The following C1QTNF3 variants were observed in gnomAD, a reference collection of about 807,000 sequenced individuals.
C1QTNF3 encodes C1q and TNF related 3.
C1QTNF3 carries 26 observed loss-of-function variants against 32.6 expected under a neutral mutation model. The ratio of observed to expected loss-of-function variants is 0.80; its 90% CI spans 0.58 to 1.11. The LOEUF is 1.11. Ranked by LOEUF, C1QTNF3 falls within the 50% of genes least tolerant of loss-of-function variation. The pLI, the probability that C1QTNF3 is intolerant of heterozygous loss-of-function variation, is 0.00. For missense variants in C1QTNF3, 362 were observed against 398.2 expected, an observed-to-expected ratio of 0.91 and a Z score of 0.77; for synonymous variants, 155 against 146.0, an observed-to-expected ratio of 1.06 and a Z score of -0.44.
At chr5:34,123,560 TC>T in the C1QTNF3 span, among the ~76,000 whole-genome samples, 1 of 151,854 alleles carries the variant, frequency 6.6e-6, no homozygotes, top group South Asian at 2.1e-4. Context: ...TGATCTATAT[TC>T]TCTTCATGTT....
chr5:34,207,338 G>GA, the C1QTNF3 span, among the ~76,000 whole-genome samples: 1 of 151,240 alleles, frequency 6.6e-6, no homozygotes, highest in East Asian at 1.9e-4. Flanking sequence ...CCATCATTAT[G>GA]AAAAGTTTTC....
chr5:34,079,794 T>G, the C1QTNF3 span, among the ~76,000 whole-genome samples: 1 of 151,272 alleles, frequency 6.6e-6, no homozygotes, highest in African/African-American at 2.5e-5. Flanking sequence ...AATGGGGAGG[T>G]GCCAGTCAAA....
chr5:34,146,956 G>T, the C1QTNF3 span, among the ~76,000 whole-genome samples: 2 of 152,118 alleles, frequency 1.3e-5, no homozygotes, highest in Non-Finnish European at 2.9e-5. Flanking sequence ...AATCTATAAT[G>T]AACTTAAATC....
the C1QTNF3 span, among the ~76,000 whole-genome samples, chr5:34,131,831 C>T: frequency 1.3e-5 from 2 of 152,014 alleles, no homozygotes; most frequent in Admixed American, 6.6e-5. Context: ...GTGAATTACA[C>T]GAATCTGTTA....
chr5:34,139,225 C>A, the C1QTNF3 span, among the ~76,000 whole-genome samples: 1 of 151,600 alleles, frequency 6.6e-6, no homozygotes, highest in Non-Finnish European at 1.5e-5. Context: ...TATATACTTA[C>A]ACATACACAC....
At chr5:34,163,267 C>A in the C1QTNF3 span, among the ~76,000 whole-genome samples, 2 of 151,942 alleles carry the variant, frequency 1.3e-5, no homozygotes, top group African/African-American at 4.8e-5. Flanking sequence ...ATGTTATGTA[C>A]AACAACCCCC....
At chr5:34,235,370 G>T in the C1QTNF3 span, among the ~76,000 whole-genome samples, 1 of 152,038 alleles carries the variant, frequency 6.6e-6, no homozygotes, top group East Asian at 1.9e-4. Context: ...TGATTAGGTG[G>T]TGATGCTACT....
the C1QTNF3 span, chr5:34,168,284 C>CGTGTGTGTGT: frequency 7.3e-6 from 1 of 136,738 alleles, no homozygotes; most frequent in Non-Finnish European, 1.6e-5. Context: ...TGTGTGCATG[C>CGTGTGTGTGT]GTGTGTGTGT....
chr5:34,044,415 G>A (rs1754946952), upstream of C1QTNF3, among the ~76,000 whole-genome samples: 1 of 152,178 alleles, frequency 6.6e-6, no homozygotes, highest in East Asian at 1.9e-4. Context: ...ATGAGAAGGG[G>A]GCGAGGAGGC....
At chr5:34,080,113 C>CT in the C1QTNF3 span, among the ~76,000 whole-genome samples, 1 of 151,234 alleles carries the variant, frequency 6.6e-6, no homozygotes, top group Admixed American at 6.6e-5. Context: ...TAAAGCAGTT[C>CT]TTTTTTTTAA....
chr5:34,169,856 A>C, the C1QTNF3 span, among the ~76,000 whole-genome samples: 4 of 151,886 alleles, frequency 2.6e-5, no homozygotes, highest in Admixed American at 1.3e-4. Context: ...ACAGCAACTA[A>C]GAAAACAGTA....
At chr5:34,085,764 G>C in the C1QTNF3 span, among the ~76,000 whole-genome samples, 5 of 151,818 alleles carry the variant, frequency 3.3e-5, no homozygotes, top group East Asian at 9.7e-4. Context: ...AGTTAGAATG[G>C]CTATCCTTAA....
chr5:34,195,163 T>TG, the C1QTNF3 span, among the ~76,000 whole-genome samples: 1 of 151,934 alleles, frequency 6.6e-6, no homozygotes. Flanking sequence ...GATTTGATCA[T>TG]TACACATTGA....
chr5:34,088,528 T>A, the C1QTNF3 span, among the ~76,000 whole-genome samples: 1 of 152,162 alleles, frequency 6.6e-6, no homozygotes. Flanking sequence ...AGTAAAATAC[T>A]TAATAAAATG....
At chr5:34,072,745 G>C in the C1QTNF3 span, among the ~76,000 whole-genome samples, 3 of 152,124 alleles carry the variant, frequency 2.0e-5, no homozygotes, top group African/African-American at 7.2e-5. Context: ...TTTTTCCTGT[G>C]CATGTGGAGT....
the C1QTNF3 span, among the ~76,000 whole-genome samples, chr5:34,160,206 T>C: frequency 9.2e-5 from 14 of 152,254 alleles, 1 homozygote; most frequent in South Asian, 2.7e-3. Context: ...TACTATAGAT[T>C]TGCAAAGTTG....
the C1QTNF3 span, among the ~76,000 whole-genome samples, chr5:34,080,278 C>T: frequency 6.6e-6 from 1 of 151,616 alleles, no homozygotes. Context: ...ATGCACATAA[C>T]TCAGTTAATC....
At chr5:34,143,037 T>C in the C1QTNF3 span, among the ~76,000 whole-genome samples, 1 of 152,152 alleles carries the variant, frequency 6.6e-6, no homozygotes, top group Admixed American at 6.5e-5. Flanking sequence ...ATGCAAGGAA[T>C]AGAGTAAAAT....
rs1754402905 is a variant in C1QTNF3, at chr5:34,023,993, G to T, written c.716C>A (p.Thr239Asn). 4 of 1,613,818 alleles carry T rather than the reference G, an allele frequency of 2.5e-6. No homozygotes were observed. In the Admixed American group the frequency reaches 6.7e-5, roughly 27 times the overall value. Residue 239 changes from threonine (T) to asparagine (N), a missense_variant, in exon 5 of 6, where the codon ACC (threonine) becomes AAC (asparagine). Physicochemically the swap from Thr to Asn is moderately conservative, Grantham distance 65. Transcript: ENST00000382065. ...ATCCTCATGCTTCATCATGCTGAAG[G>T]TGAAGAAATACACACCTGAAAAAAG... ...GAPVSGVYFF[T>N]FSMMKHEDVE...
Sources: gnomAD v4.1 joint callset for allele counts (sites outside exome capture counted in the v4.1 genomes callset) on GRCh38, gnomAD v4.1.1 for gene constraint, MANE v1.5 for transcripts, NCBI Gene and HGNC (gene_info 2026-07-23, HGNC 2026-07-21) for gene names.